Variants in UBE2L3 observed in about 807,000 individuals in gnomAD.
UBE2L3 encodes the protein ubiquitin conjugating enzyme E2 L3.
UBE2L3 carries 1 observed loss-of-function variant against 17.8 expected under a neutral mutation model. That is an observed-to-expected ratio of 0.06 (90% CI 0.02 to 0.27). UBE2L3 has a LOEUF of 0.27. UBE2L3 is among the 10% of genes least tolerant of loss of function. The pLI is 1.00. For missense variants in UBE2L3, 40 were observed against 192.6 expected, an observed-to-expected ratio of 0.21 and a Z score of 4.69; for synonymous variants, 44 against 68.5, an observed-to-expected ratio of 0.64 and a Z score of 1.76.
Position 21,558,756 on chromosome 22 carries a change from C to A in UBE2L3, c.201+9106C>A, listed in dbSNP as rs182190251. On this transcript the variant is annotated intron_variant, in intron 1 of 3. Coordinates refer to the UBE2L3 transcript ENST00000458578. Reference sequence around the variant, plus strand: ...CCTCCCACCTCAGCCTCCCAGAGGGCTGGGATTACAGGCATGAGCCACCAC... The same window carrying A: ...CCTCCCACCTCAGCCTCCCAGAGGGATGGGATTACAGGCATGAGCCACCAC... Among the ~76,000 whole-genome samples, 1,486 of 151,448 alleles carry A rather than the reference C, an allele frequency of 9.8e-3. 5 individuals carry two copies. Among genetic ancestry groups the A allele is most frequent in the African/African-American group, 0.034 (1,382 of 41,146 alleles).
upstream of UBE2L3, among the ~76,000 whole-genome samples, chr22:21,563,438 C>G (rs1017062585): frequency 7.4e-6 from 1 of 135,812 alleles, no homozygotes; most frequent in African/African-American, 2.7e-5. Context: ...GGCGGGCTCC[C>G]GTAGTCCCAG....
chr22:21,619,158 G>T (rs1929927839), intron 3 of UBE2L3, among the ~76,000 whole-genome samples: 1 of 152,208 alleles, frequency 6.6e-6, no homozygotes, highest in Non-Finnish European at 1.5e-5. Context: ...GGAAAAGGGA[G>T]CAGTCTCACA....
At chr22:21,612,461 G>A (rs1348562676) in intron 3 of UBE2L3, among the ~76,000 whole-genome samples, 1 of 151,698 alleles carries the variant, frequency 6.6e-6, no homozygotes, top group African/African-American at 2.4e-5. Flanking sequence ...GAGTAGCTGG[G>A]ACTACAGGCA....
chr22:21,615,027 C>A (rs556658702), intron 3 of UBE2L3, among the ~76,000 whole-genome samples: 1 of 151,942 alleles, frequency 6.6e-6, no homozygotes, highest in East Asian at 1.9e-4. Context: ...TGGTGGCGGG[C>A]GCCTGTAATC....
At chr22:21,569,031 G>A (rs933778643) in intron 1 of UBE2L3, among the ~76,000 whole-genome samples, 2 of 152,148 alleles carry the variant, frequency 1.3e-5, no homozygotes, top group Non-Finnish European at 2.9e-5. Context: ...GTCGGTTAAT[G>A]GCTTTCTTTC....
intron 2 of UBE2L3, among the ~76,000 whole-genome samples, chr22:21,608,929 C>A (rs1400451831): frequency 6.6e-6 from 1 of 151,554 alleles, no homozygotes; most frequent in Admixed American, 6.6e-5. Flanking sequence ...CAGTCTCGCT[C>A]TTTCGTCCAG....
At position 21,614,480 on chromosome 22, in the gene UBE2L3, T is replaced by A. The variant is rs931894765; in HGVS notation, c.310+3437T>A. The A allele has an allele frequency of 6.6e-6, 6 of 911,080 alleles. No homozygotes were observed. The African/African-American group carries it at 1.0e-4, about 16-fold the overall frequency. 56.4% of individuals were successfully genotyped at this position (911,080 alleles called of 1,614,324 possible). A position where few individuals can be genotyped will look rare whatever the true frequency, so the allele number is the denominator to read the frequency against. On this transcript the variant is annotated intron_variant, in intron 3 of 3. Transcript: ENST00000342192. ...GAAAAAGCCACTTGTGCCACCCTCC[T>A]GCTGTAATCTTCCAGCGCTCTTCCT...
intron 1 of UBE2L3, among the ~76,000 whole-genome samples, chr22:21,556,263 C>T (rs1351857324): frequency 2.0e-5 from 3 of 152,206 alleles, no homozygotes; most frequent in South Asian, 2.1e-4. Context: ...GGCATAGTGG[C>T]GTGTGCCTGT....
At chr22:21,595,794 T>TTC (rs1214970549) in intron 2 of UBE2L3, among the ~76,000 whole-genome samples, 1 of 152,212 alleles carries the variant, frequency 6.6e-6, no homozygotes, top group Non-Finnish European at 1.5e-5. Flanking sequence ...GTAGTCACCC[T>TTC]TCTTGAAGCT....
chr22:21,612,508 G>A (rs1234612158), intron 3 of UBE2L3, among the ~76,000 whole-genome samples: 1 of 151,332 alleles, frequency 6.6e-6, no homozygotes, highest in African/African-American at 2.4e-5. Flanking sequence ...TGTATTTTTA[G>A]TAGAGACGGG....
chr22:21,614,629 C>T, intron 3 of UBE2L3: 1 of 1,367,082 alleles, frequency 7.3e-7, no homozygotes, highest in Non-Finnish European at 9.8e-7. Context: ...CAATTCACAA[C>T]CTGTAGCTGA....
intron 2 of UBE2L3, among the ~76,000 whole-genome samples, chr22:21,598,211 T>TGTGTGTGTGTGTGTGTGTGTGTGTGTG (rs1555885650): frequency 5.1e-5 from 5 of 98,106 alleles, no homozygotes; most frequent in Admixed American, 2.6e-4. Flanking sequence ...GTGTGTGTGT[T>TGTGTGTGTGTGTGTGTGTGTGTGTGTG]TTTCATTTAT....
chr22:21,564,406 G>A (rs1043906107), upstream of UBE2L3, among the ~76,000 whole-genome samples: 4 of 152,126 alleles, frequency 2.6e-5, no homozygotes, highest in African/African-American at 7.2e-5. Context: ...TGAGTGGAGG[G>A]GATCGGGTAT....
chr22:21,588,344 T>C (rs1464783907), intron 1 of UBE2L3, among the ~76,000 whole-genome samples: 2 of 152,162 alleles, frequency 1.3e-5, no homozygotes, highest in Non-Finnish European at 1.5e-5. Flanking sequence ...TTCTCAGTTA[T>C]CGGGGCACAG....
intron 1 of UBE2L3, among the ~76,000 whole-genome samples, chr22:21,584,668 G>C (rs546259547): frequency 1.7e-4 from 26 of 150,724 alleles, no homozygotes; most frequent in African/African-American, 6.3e-4. Context: ...CTGGCCTCAA[G>C]TGATTTTCCC....
intron 3 of UBE2L3, among the ~76,000 whole-genome samples, chr22:21,618,393 T>C (rs1929888348): frequency 6.6e-6 from 1 of 151,388 alleles, no homozygotes. Flanking sequence ...TGAAACCCCG[T>C]CTCTACTAAA....
intron 1 of UBE2L3, among the ~76,000 whole-genome samples, chr22:21,583,878 AT>A (rs985492194): frequency 2.0e-5 from 3 of 150,204 alleles, no homozygotes; most frequent in Non-Finnish European, 3.0e-5. Flanking sequence ...TTAAATTTTA[AT>A]TTTTTTTTTC....
chr22:21,606,538 C>G (rs1929184614), intron 2 of UBE2L3, among the ~76,000 whole-genome samples: 2 of 152,168 alleles, frequency 1.3e-5, no homozygotes, highest in Admixed American at 1.3e-4. Context: ...CCCACCACCA[C>G]CACCATTTAA....
At chr22:21,615,549 C>T (rs368367239) in intron 3 of UBE2L3, among the ~76,000 whole-genome samples, 13 of 148,088 alleles carry the variant, frequency 8.8e-5, no homozygotes, top group African/African-American at 3.0e-4. Context: ...AGCAAGACTC[C>T]GTCTCAAAAA....
Sources: allele counts gnomAD v4.1 joint callset (sites outside exome capture counted in the v4.1 genomes callset), GRCh38; gene constraint gnomAD v4.1.1; transcripts MANE v1.5; gene names NCBI Gene and HGNC (gene_info 2026-07-23, HGNC 2026-07-21).